The following DPP10 variants were observed in gnomAD, a reference collection of about 807,000 sequenced individuals.
DPP10 encodes inactive dipeptidyl peptidase 10.
In DPP10, 33 loss-of-function variants were observed where a neutral mutation model predicts 120.9. The ratio of observed to expected loss-of-function variants is 0.27; its 90% CI spans 0.21 to 0.37. DPP10 has a LOEUF of 0.37. Ranked by LOEUF, DPP10 falls within the 10% of genes least tolerant of loss-of-function variation. DPP10 has a pLI of 1.00. For synonymous variants in DPP10, 337 were observed against 326.1 expected (o/e 1.03, Z -0.36); for missense variants, 816 against 942.8 (o/e 0.87, Z 1.76).
At chr2:114,661,623 C>T (rs1024525712) in intron 1 of DPP10, among the ~76,000 whole-genome samples, 3 of 152,188 alleles carry the variant, frequency 2.0e-5, no homozygotes, top group Non-Finnish European at 4.4e-5. Context: ...AGCTAAGTAA[C>T]TCAGGGATCT....
rs554679273 is a variant in DPP10, at chr2:114,557,916, G to C, written c.60+115078G>C. On this transcript the variant is annotated intron_variant, in intron 1 of 25. Transcript: ENST00000410059. Reference sequence around the variant, plus strand: ...GGGATGTATTTTGATCTTGATTTTGGAGTCTTGAATTCTTTTTCCAAATGT... The same window carrying C: ...GGGATGTATTTTGATCTTGATTTTGCAGTCTTGAATTCTTTTTCCAAATGT... 2.0e-5 allele frequency among the ~76,000 whole-genome samples: 3 copies of C among 152,156 alleles called. No individual in the cohort carries two copies. In the South Asian group the frequency reaches 6.2e-4, roughly 32 times the overall value.
chr2:115,566,839 C>T (rs1014388977), intron 5 of DPP10, among the ~76,000 whole-genome samples: 1 of 152,080 alleles, frequency 6.6e-6, no homozygotes, highest in Non-Finnish European at 1.5e-5. Context: ...TATTATAATC[C>T]ATTAATTCAT....
intron 1 of DPP10, among the ~76,000 whole-genome samples, chr2:115,002,355 A>G (rs373025796): frequency 7.9e-5 from 12 of 152,180 alleles, no homozygotes; most frequent in Admixed American, 5.2e-4. Context: ...TCCTCATACC[A>G]TATATAACAA....
chr2:114,588,157 A>G (rs1325896761), intron 1 of DPP10, among the ~76,000 whole-genome samples: 2 of 152,252 alleles, frequency 1.3e-5, no homozygotes, highest in Non-Finnish European at 2.9e-5. Context: ...TCAGTGAGTC[A>G]GTAAATAAGA....
intron 19 of DPP10, among the ~76,000 whole-genome samples, chr2:115,806,336 C>A (rs7588202): frequency 0.012 from 1,816 of 152,214 alleles, 33 homozygotes; most frequent in African/African-American, 0.041. Context: ...TTTATAATTT[C>A]TTTACCGCTA....
intron 1 of DPP10, among the ~76,000 whole-genome samples, chr2:114,726,060 G>A (rs951694909): frequency 9.2e-5 from 14 of 151,922 alleles, no homozygotes; most frequent in East Asian, 3.9e-4. Context: ...GTGAAACCCC[G>A]TCTCTACTAA....
intron 3 of DPP10, among the ~76,000 whole-genome samples, chr2:115,432,157 T>C (rs1003768756): frequency 3.9e-5 from 6 of 152,102 alleles, no homozygotes; most frequent in African/African-American, 1.2e-4. Context: ...CTGGGACTTA[T>C]TGTTATCTAT....
At chr2:115,289,503 A>AAAAAAAAAAAAAAAAAAG (rs70941042) in intron 1 of DPP10, among the ~76,000 whole-genome samples, 1 of 96,268 alleles carries the variant, frequency 1.0e-5, no homozygotes, top group Admixed American at 1.2e-4. Context: ...AAAAAAAAAA[A>AAAAAAAAAAAAAAAAAAG]AGGAAGAAAA....
At chr2:114,841,765 A>G (rs1274670294) in intron 1 of DPP10, among the ~76,000 whole-genome samples, 1 of 152,118 alleles carries the variant, frequency 6.6e-6, no homozygotes, top group Admixed American at 6.6e-5. Context: ...ATGGAAAGCC[A>G]TGATTGGGAG....
chr2:114,900,717 T>C (rs1026690359), intron 1 of DPP10, among the ~76,000 whole-genome samples: 1 of 152,218 alleles, frequency 6.6e-6, no homozygotes, highest in East Asian at 1.9e-4. Context: ...ATTTTCCAAC[T>C]TCTTCTAGTA....
chr2:115,313,517 GTTGGTT>G (rs1292440709), intron 2 of DPP10, among the ~76,000 whole-genome samples: 2 of 152,166 alleles, frequency 1.3e-5, no homozygotes, highest in African/African-American at 4.8e-5. Context: ...TATTTAGTGG[GTTGGTT>G]TTGAAGATGA....
At chr2:115,562,170 G>A (rs1222254446) in intron 5 of DPP10, among the ~76,000 whole-genome samples, 2 of 152,072 alleles carry the variant, frequency 1.3e-5, no homozygotes, top group African/African-American at 4.8e-5. Context: ...CAAAGTCATC[G>A]GGCTGTACAA....
intron 1 of DPP10, among the ~76,000 whole-genome samples, chr2:114,946,124 T>G (rs1697329591): frequency 6.6e-6 from 1 of 152,170 alleles, no homozygotes; most frequent in African/African-American, 2.4e-5. Context: ...TGAATGGATC[T>G]TGGTACAGAA....
intron 1 of DPP10, among the ~76,000 whole-genome samples, chr2:114,612,278 T>A (rs972889481): frequency 6.6e-6 from 1 of 152,142 alleles, no homozygotes; most frequent in Non-Finnish European, 1.5e-5. Flanking sequence ...CATTCCTGCA[T>A]CCCTTTTTAT....
intron 1 of DPP10, among the ~76,000 whole-genome samples, chr2:115,174,805 G>C (rs553188319): frequency 5.3e-5 from 8 of 152,270 alleles, no homozygotes; most frequent in Admixed American, 5.2e-4. Context: ...AAAGTTTTCT[G>C]TAAACCCTGT....
chr2:115,780,734 G>A (rs1682654614), intron 15 of DPP10, 140 bp from the exon 16 acceptor site: 1 of 615,108 alleles, frequency 1.6e-6, no homozygotes, highest in Non-Finnish European at 2.6e-6. Flanking sequence ...TATGTATATG[G>A]TGATTCATAG....
intron 21 of DPP10, among the ~76,000 whole-genome samples, chr2:115,828,636 A>G (rs1688620026): frequency 6.6e-6 from 1 of 152,052 alleles, no homozygotes; most frequent in East Asian, 1.9e-4. Flanking sequence ...AGCTGTAACA[A>G]TGCTAGGACT....
intron 1 of DPP10, chr2:115,162,096 C>G (rs1333428132): frequency 1.7e-5 from 26 of 1,502,072 alleles, no homozygotes; most frequent in Non-Finnish European, 2.3e-5. Flanking sequence ...CCGCCCGCCT[C>G]CCGCTTCCCA....
At chr2:115,487,116 C>T (rs1478337400) in intron 3 of DPP10, among the ~76,000 whole-genome samples, 4 of 151,734 alleles carry the variant, frequency 2.6e-5, no homozygotes, top group African/African-American at 9.7e-5. Context: ...CATGAGTGAA[C>T]TCCCATTCAC....
Sources: allele counts gnomAD v4.1 joint callset (sites outside exome capture counted in the v4.1 genomes callset), GRCh38; gene constraint gnomAD v4.1.1; transcripts MANE v1.5; gene names NCBI Gene and HGNC (gene_info 2026-07-23, HGNC 2026-07-21).